PPP2R1B: variants seen among roughly 807,000 people sequenced by gnomAD.
PPP2R1B encodes protein phosphatase 2 scaffold subunit Abeta.
PPP2R1B carries 58 observed loss-of-function variants against 72.7 expected under a neutral mutation model. That is an observed-to-expected ratio of 0.80 (90% CI 0.65 to 0.99). The LOEUF is 0.99. Ranked by LOEUF, PPP2R1B falls within the 50% of genes least tolerant of loss-of-function variation. PPP2R1B has a pLI of 0.00. For missense variants in PPP2R1B, 695 were observed against 733.6 expected, an observed-to-expected ratio of 0.95 and a Z score of 0.61; for synonymous variants, 256 against 264.6, an observed-to-expected ratio of 0.97 and a Z score of 0.32.
intron 11 of PPP2R1B, among the ~76,000 whole-genome samples, chr11:111,745,211 C>T (rs900067946): frequency 3.3e-5 from 5 of 151,968 alleles, no homozygotes; most frequent in Admixed American, 6.6e-5. Flanking sequence ...GCCAACACAT[C>T]CAGCTAATTT....
chr11:111,710,517 G>A, the PPP2R1B span, among the ~76,000 whole-genome samples: 1 of 152,152 alleles, frequency 6.6e-6, no homozygotes, highest in South Asian at 2.1e-4. Flanking sequence ...CCCCATCCTT[G>A]AAAATCATCA....
chr11:111,689,771 TCTGTG>T, the PPP2R1B span, among the ~76,000 whole-genome samples: 2 of 152,212 alleles, frequency 1.3e-5, no homozygotes, highest in African/African-American at 4.8e-5. Flanking sequence ...CTGATTTGTT[TCTGTG>T]CCATTTCCCA....
Position 111,752,213 on chromosome 11 carries a change from T to C in PPP2R1B, c.1284A>G (p.Lys428=), listed in dbSNP as rs1944934645. The C allele has an allele frequency of 6.2e-7, 1 of 1,614,032 alleles. No homozygotes were observed. Among genetic ancestry groups the C allele is most frequent in the Non-Finnish European group, 8.5e-7 (1 of 1,179,978 alleles). The change falls in exon 10 of 15, where the codon AAA becomes AAG. Residue 428 remains lysine, a synonymous_variant. Coordinates refer to ENST00000527614, the MANE Select transcript of PPP2R1B (RefSeq NM_002716.5). The part of the protein sequence containing the change: ...PAIVELAEDA[K]WRVRLAIIEY... ...CAATGATGGCCAGGCGGACCCTCCA[T>C]TTGGCATCTTCTGCCAGCTCCACTA...
chr11:111,697,779 C>T, the PPP2R1B span, among the ~76,000 whole-genome samples: 7 of 151,808 alleles, frequency 4.6e-5, no homozygotes, highest in African/African-American at 1.2e-4. Context: ...TCACTTGAGC[C>T]GAGGAGTTTA....
chr11:111,713,114 G>A, the PPP2R1B span, among the ~76,000 whole-genome samples: 1 of 152,148 alleles, frequency 6.6e-6, no homozygotes, highest in Non-Finnish European at 1.5e-5. Flanking sequence ...GCAGTGAGCC[G>A]AGATCACAGC....
intron 8 of PPP2R1B, 115 bp downstream of exon 8, chr11:111,754,384 T>G: frequency 7.3e-7 from 1 of 1,373,186 alleles, no homozygotes; most frequent in Non-Finnish European, 9.7e-7. Flanking sequence ...TCCCCATTCA[T>G]TCCCTGTCAA....
intron 5 of PPP2R1B, among the ~76,000 whole-genome samples, chr11:111,759,162 A>G (rs1945233801): frequency 1.3e-5 from 2 of 152,212 alleles, no homozygotes; most frequent in African/African-American, 4.8e-5. Flanking sequence ...AACTATGCAA[A>G]CTTCAGCAAG....
the PPP2R1B span, among the ~76,000 whole-genome samples, chr11:111,708,313 C>G: frequency 6.6e-6 from 1 of 152,002 alleles, no homozygotes; most frequent in Admixed American, 6.6e-5. Context: ...ACCCAGGAGA[C>G]AGAGGTTGCA....
chr11:111,728,141 TCTAA>T (rs1944037148), intron 15 of PPP2R1B: 1 of 152,110 alleles, frequency 6.6e-6, no homozygotes, highest in Non-Finnish European at 1.5e-5. Flanking sequence ...CTGGGCTGCC[TCTAA>T]CTGCCTCCTG....
At chr11:111,733,367 G>A (rs777908627), downstream of PPP2R1B, among the ~76,000 whole-genome samples, 2 of 152,096 alleles carry the variant, frequency 1.3e-5, no homozygotes, top group Non-Finnish European at 2.9e-5. Context: ...CATGGGAAGC[G>A]GACTTCCCCT....
Position 111,743,408 on chromosome 11 carries a change from A to C in PPP2R1B, c.1522T>G (p.Leu508Val), listed in dbSNP as rs1438722290. 6.2e-7 allele frequency: 1 copy of C among 1,612,996 alleles called. No homozygotes were observed. The highest frequency in any genetic ancestry group is 1.1e-5 in the South Asian group (1 of 91,002). ...CAGAATAAAGTGGTCATTCTATGCA[A>C]GTAATTAGGATCATTTGCCATTACT... Reference protein sequence around the residue: ...VLVMANDPNYLHRMTTLFCIN... With the variant: ...VLVMANDPNYVHRMTTLFCIN... Residue 508 changes from leucine to valine, a missense_variant, in exon 12 of 15, where the codon TTG becomes GTG. Leu to Val is a conservative substitution (Grantham distance 32, BLOSUM62 1). Coordinates refer to ENST00000527614, the MANE Select transcript of PPP2R1B (RefSeq NM_002716.5).
the PPP2R1B span, among the ~76,000 whole-genome samples, chr11:111,710,929 G>A: frequency 6.6e-6 from 1 of 152,148 alleles, no homozygotes; most frequent in African/African-American, 2.4e-5. Context: ...AATACAGGCT[G>A]TCCTTCTGCC....
chr11:111,729,462 T>C (rs944467155), intron 15 of PPP2R1B: 2 of 152,266 alleles, frequency 1.3e-5, no homozygotes, highest in African/African-American at 4.8e-5. Context: ...GATACTGTCC[T>C]TATTTTTCAC....
At chr11:111,752,527 C>A (rs1944948246) in intron 9 of PPP2R1B, among the ~76,000 whole-genome samples, 195 bp from the exon 10 acceptor site, 1 of 152,092 alleles carries the variant, frequency 6.6e-6, no homozygotes, top group African/African-American at 2.4e-5. Context: ...AATTAAAAGT[C>A]CGTAATACTA....
chr11:111,722,816 G>GTTCTC, downstream of PPP2R1B: 3 of 1,470,658 alleles, frequency 2.0e-6, no homozygotes, highest in Non-Finnish European at 2.8e-6. This position sits in a 1 kb window ranked among gnomAD's most constrained non-coding sequence, Gnocchi z 4.4. Flanking sequence ...TGAGAACACT[G>GTTCTC]AATGTGTTGT....
intron 11 of PPP2R1B, among the ~76,000 whole-genome samples, chr11:111,745,272 G>A (rs570717511): frequency 6.6e-6 from 1 of 151,996 alleles, no homozygotes; most frequent in South Asian, 2.1e-4. Context: ...GGCTGGTCTC[G>A]AACTCCTAAC....
chr11:111,703,444 G>T, the PPP2R1B span: 1 of 1,608,240 alleles, frequency 6.2e-7, no homozygotes, highest in South Asian at 1.1e-5. Context: ...CAGAGATTTC[G>T]GGGTTCTACT....
In PPP2R1B at chr11:111,755,347, G is replaced by A. The variant is rs782571431; in HGVS notation, c.791C>T (p.Ala264Val). 3 of 1,613,598 alleles carry A rather than the reference G, an allele frequency of 1.9e-6. No homozygotes were observed. Among genetic ancestry groups the A allele is most frequent in the Admixed American group, 3.3e-5 (2 of 59,882 alleles). The change falls in exon 6 of 15, where the codon GCA becomes GTA. Residue 264 changes from alanine to valine, a missense_variant. Coordinates refer to ENST00000527614, the MANE Select transcript of PPP2R1B (RefSeq NM_002716.5). ...TLVMPTLRQA[A>V]EDKSWRVRYM... ...GCGAACGCGCCAAGATTTATCTTCT[G>A]CTGCTTGTCGAAGTGTAGGCATCAC...
At chr11:111,720,902 T>C in the PPP2R1B span, 27 of 1,613,250 alleles carry the variant, frequency 1.7e-5, no homozygotes, top group Non-Finnish European at 2.2e-5. Context: ...CTTTCAGGAA[T>C]TGTAGCATTT....
Sources: gnomAD v4.1 joint callset for allele counts (sites outside exome capture counted in the v4.1 genomes callset) on GRCh38, gnomAD v4.1.1 for gene constraint, Gnocchi (gnomAD v3.1) non-coding constraint, MANE v1.5 for transcripts, NCBI Gene and HGNC (gene_info 2026-07-23, HGNC 2026-07-21) for gene names.